Variants in TOX observed in about 807,000 individuals in gnomAD.
TOX encodes the protein thymocyte selection associated high mobility group box.
Under a neutral mutation model 53.7 loss-of-function variants are expected in TOX, and 11 were observed. The observed-to-expected ratio is 0.20, with a 90% CI of 0.13 to 0.34. The LOEUF is 0.34. Ranked by LOEUF, TOX falls within the 10% of genes least tolerant of loss-of-function variation. TOX has a pLI of 1.00. For missense variants in TOX, 570 were observed against 664.6 expected (o/e 0.86, Z 1.56); for synonymous variants, 225 against 245.3 (o/e 0.92, Z 0.77).
chr8:58,971,166 G>T (rs1322013875), intron 1 of TOX, among the ~76,000 whole-genome samples: 1 of 152,216 alleles, frequency 6.6e-6, no homozygotes, highest in African/African-American at 2.4e-5. Context: ...ACACTGGTTT[G>T]TTCTTTTATG....
chr8:58,990,265 T>C (rs1813416807), intron 1 of TOX, among the ~76,000 whole-genome samples: 1 of 152,170 alleles, frequency 6.6e-6, no homozygotes, highest in Non-Finnish European at 1.5e-5. Context: ...GATTTGACTC[T>C]AGAATCCATG....
chr8:58,909,185 T>A (rs1585894481), intron 3 of TOX, among the ~76,000 whole-genome samples: 1 of 152,284 alleles, frequency 6.6e-6, no homozygotes, highest in East Asian at 1.9e-4. Context: ...CCAGGGCATT[T>A]TGCCTTCTGA....
Position 58,999,738 on chromosome 8 carries a change from G to A in TOX, c.103-39730C>T, listed in dbSNP as rs78093956. 5.2e-3 allele frequency among the ~76,000 whole-genome samples: 792 copies of A among 152,224 alleles called. 10 individuals are homozygous for A. Among genetic ancestry groups the A allele is most frequent in the African/African-American group, 0.018 (742 of 41,532 alleles). ...CGGCGATCTCTATTTTTTAGGAAGA[G>A]GTATGGGGAGCTATCAAGTCAGATT... On this transcript the variant is annotated intron_variant, in intron 1 of 8. Transcript: ENST00000361421.
Position 58,815,718 on chromosome 8 carries a change from T to C in TOX, c.1012A>G (p.Ser338Gly). ...YRASLVSKSY[S>G]EPVDVKTSQP... is the part of the protein sequence containing the mutation. ...GATGTCTTCACGTCAACAGGTTCAC[T>C]GTAGCTCTGTTGAGGAAATAAATGA... The change falls in exon 7 of 9, where the codon AGT becomes GGT. Residue 338 changes from serine (S) to glycine (G), a missense_variant. By Grantham distance (56) the Ser-to-Gly change is moderately conservative. Around this residue, in one of 3 missense-constraint regions of TOX, gnomAD observed 239 missense variants for 250.7 expected, o/e 0.95. Transcript: ENST00000361421. 2 of 1,607,248 alleles carry C rather than the reference T, an allele frequency of 1.2e-6. No homozygotes were observed. The highest frequency in any genetic ancestry group is 2.2e-5 in the East Asian group (1 of 44,804).
intron 1 of TOX, among the ~76,000 whole-genome samples, chr8:59,116,149 G>A (rs190321202): frequency 3.9e-5 from 6 of 152,234 alleles, no homozygotes; most frequent in Admixed American, 3.3e-4. Context: ...TGGTTCCGCT[G>A]GGATTTAGCA....
intron 3 of TOX, among the ~76,000 whole-genome samples, chr8:58,859,484 G>A (rs926911529): frequency 1.3e-5 from 2 of 152,022 alleles, no homozygotes; most frequent in Non-Finnish European, 2.9e-5. Context: ...TTTACAGTAC[G>A]CTACAATAGA....
intron 1 of TOX, among the ~76,000 whole-genome samples, chr8:58,985,424 C>T (rs1813309913): frequency 6.6e-6 from 1 of 152,014 alleles, no homozygotes; most frequent in Non-Finnish European, 1.5e-5. Flanking sequence ...TGTATGATTC[C>T]ACTTGCATGA....
At chr8:59,012,859 A>G (rs528819320) in intron 1 of TOX, among the ~76,000 whole-genome samples, 240 of 151,828 alleles carry the variant, frequency 1.6e-3, no homozygotes, top group Non-Finnish European at 2.2e-3. Context: ...TCAGCTGGCC[A>G]GCAGACACCT....
chr8:58,825,677 T>A (rs1000703395), intron 6 of TOX, among the ~76,000 whole-genome samples: 16 of 152,244 alleles, frequency 1.1e-4, no homozygotes, highest in African/African-American at 3.1e-4. Context: ...CCCGCTATGT[T>A]TTTGGCATAA....
chr8:58,824,867 G>A (rs1349878376), intron 6 of TOX, among the ~76,000 whole-genome samples: 2 of 152,164 alleles, frequency 1.3e-5, no homozygotes, highest in Admixed American at 1.3e-4. Context: ...ATATACAAAT[G>A]GGGGGTGGGG....
At position 58,841,187 on chromosome 8, in the gene TOX, A is replaced by G. The variant is rs1810635332; in HGVS notation, c.694-2876T>C. 2.0e-5 allele frequency among the ~76,000 whole-genome samples: 3 copies of G among 152,230 alleles called. No individual in the cohort carries two copies. In the South Asian group the frequency reaches 6.2e-4, roughly 32 times the overall value. ...ACATCTCTATTTGCAAGTCTCAAAGATATTTCAAACTTAAGTCAAGCTTAT... is the reference window on the plus strand; with the variant it reads ...ACATCTCTATTTGCAAGTCTCAAAGGTATTTCAAACTTAAGTCAAGCTTAT... On this transcript the variant is annotated intron_variant, in intron 4 of 8. Coordinates refer to ENST00000361421, the MANE Select transcript of TOX (RefSeq NM_014729.3).
intron 1 of TOX, among the ~76,000 whole-genome samples, chr8:59,079,428 G>A (rs920080406): frequency 6.6e-6 from 1 of 152,138 alleles, no homozygotes; most frequent in Non-Finnish European, 1.5e-5. Context: ...GTTTCTGCTG[G>A]CCTTTAACGC....
At chr8:58,912,183 G>T (rs1303661130) in intron 3 of TOX, among the ~76,000 whole-genome samples, 1 of 152,158 alleles carries the variant, frequency 6.6e-6, no homozygotes, top group African/African-American at 2.4e-5. Context: ...TAAATTTAAT[G>T]AATTCACATT....
intron 1 of TOX, among the ~76,000 whole-genome samples, chr8:59,002,319 A>G (rs1372958819): frequency 6.8e-6 from 1 of 146,944 alleles, no homozygotes; most frequent in Non-Finnish European, 1.5e-5. Context: ...AGGGCCGGGC[A>G]CAGTGGCTCA....
chr8:59,049,531 A>AT (rs961090840), intron 1 of TOX, among the ~76,000 whole-genome samples: 105 of 152,090 alleles, frequency 6.9e-4, no homozygotes, highest in African/African-American at 2.2e-3. Context: ...TAGAAACTGG[A>AT]TTTTTTTTCG....
chr8:59,080,031 G>T (rs1804373254), intron 1 of TOX, among the ~76,000 whole-genome samples: 1 of 150,482 alleles, frequency 6.6e-6, no homozygotes, highest in African/African-American at 2.4e-5. Context: ...CGCCCAGGCT[G>T]GAGTGCAGTG....
chr8:58,949,460 C>A (rs1812581140), intron 2 of TOX, among the ~76,000 whole-genome samples: 1 of 152,106 alleles, frequency 6.6e-6, no homozygotes, highest in African/African-American at 2.4e-5. Context: ...TCTACTTATG[C>A]TCAAATGGAA....
In TOX at chr8:58,816,383, T is replaced by G. The variant is rs556170024; in HGVS notation, c.1006-659A>C. Among the ~76,000 whole-genome samples, 5 of 152,222 alleles carry G rather than the reference T, an allele frequency of 3.3e-5. No individual in the cohort carries two copies. In the South Asian group the frequency reaches 1.0e-3, roughly 32 times the overall value. On this transcript the variant is annotated intron_variant, in intron 6 of 8. Coordinates refer to ENST00000361421, the MANE Select transcript of TOX (RefSeq NM_014729.3). ...ATAAAAATAATCTCTCTTAGAAATT[T>G]TAGACTCCATCATAAATTAATATAA...
chr8:59,082,803 G>C (rs913398518), intron 1 of TOX, among the ~76,000 whole-genome samples: 1 of 152,018 alleles, frequency 6.6e-6, no homozygotes, highest in East Asian at 1.9e-4. Flanking sequence ...CCTCATTTGC[G>C]TACCTCTACC....
Sources: allele counts gnomAD v4.1 joint callset (sites outside exome capture counted in the v4.1 genomes callset), GRCh38; gene constraint gnomAD v4.1.1; regional missense constraint gnomAD v4.1.1; transcripts MANE v1.5; gene names NCBI Gene and HGNC (gene_info 2026-07-23, HGNC 2026-07-21).